The following MSN variants were observed in gnomAD, a reference collection of about 807,000 sequenced individuals.
MSN encodes the protein moesin, also known as epididymis luminal protein 70.
A neutral mutation model predicts 48.0 loss-of-function variants in MSN; 2 were observed. The observed-to-expected ratio is 0.04, with a 90% CI of 0.02 to 0.13. MSN has a LOEUF of 0.13. MSN is among the 10% of genes least tolerant of loss of function. The pLI, the probability that MSN is intolerant of heterozygous loss-of-function variation, is 1.00. For missense variants in MSN, 267 were observed against 470.1 expected, an observed-to-expected ratio of 0.57 and a Z score of 3.99; for synonymous variants, 146 against 166.9, an observed-to-expected ratio of 0.87 and a Z score of 0.97.
At chrX:65,651,137 G>T (rs2070738557) in intron 1 of MSN, among the ~76,000 whole-genome samples, 1 of 110,127 alleles carries the variant, frequency 9.1e-6, no homozygotes. Flanking sequence ...TTGAAAATTA[G>T]AGGCCGGGTG....
intron 4 of MSN, among the ~76,000 whole-genome samples, chrX:65,730,378 T>G (rs1003138962): frequency 1.8e-5 from 2 of 111,481 alleles, no homozygotes; most frequent in Admixed American, 1.9e-4. Context: ...TAACACTAAG[T>G]TTTTTCCTAC....
intron 1 of MSN, among the ~76,000 whole-genome samples, chrX:65,686,526 G>T (rs1408374385): frequency 8.8e-6 from 1 of 112,999 alleles, no homozygotes; most frequent in African/African-American, 3.2e-5. Flanking sequence ...TTGAGATCAG[G>T]TTCCAAAAGG....
chrX:65,609,962 T>C (rs1186613722), intron 1 of MSN, among the ~76,000 whole-genome samples: 1 of 111,867 alleles, frequency 8.9e-6, no homozygotes, highest in Non-Finnish European at 1.9e-5. Context: ...TCTTCACTAC[T>C]ATTTTCCCGG....
At chrX:65,739,582 G>C (rs780900397) in intron 12 of MSN, 147 bp from the exon 13 acceptor site, 23 of 654,538 alleles carry the variant, frequency 3.5e-5, no homozygotes, top group Non-Finnish European at 4.6e-5. Context: ...AGTTCTAACA[G>C]AGTTGGAAAT....
intron 1 of MSN, among the ~76,000 whole-genome samples, chrX:65,674,034 T>C (rs1270276056): frequency 1.8e-5 from 2 of 110,303 alleles, no homozygotes; most frequent in Non-Finnish European, 3.8e-5. Context: ...AGAGCTGATC[T>C]CATGGGTTTC....
At chrX:65,711,568 G>T (rs942217600) in intron 1 of MSN, among the ~76,000 whole-genome samples, 1 of 112,444 alleles carries the variant, frequency 8.9e-6, no homozygotes, top group East Asian at 2.8e-4. Flanking sequence ...CTCAATACAC[G>T]TTTGAAATTA....
intron 1 of MSN, among the ~76,000 whole-genome samples, chrX:65,618,015 T>C (rs916951578): frequency 9.9e-4 from 108 of 109,447 alleles, no homozygotes; most frequent in African/African-American, 3.4e-3. Context: ...AGTTGAGCGG[T>C]ATTGAGTGAG....
chrX:65,703,264 G>T (rs974039503), intron 1 of MSN, among the ~76,000 whole-genome samples: 1 of 110,941 alleles, frequency 9.0e-6, no homozygotes, highest in African/African-American at 3.3e-5. Flanking sequence ...TTTTATTACT[G>T]TTCAATTATT....
intron 1 of MSN, among the ~76,000 whole-genome samples, chrX:65,705,221 C>T (rs1304460578): frequency 9.0e-6 from 1 of 111,524 alleles, no homozygotes; most frequent in African/African-American, 3.3e-5. Flanking sequence ...TCAGGTCTGA[C>T]AGTTTGGGAT....
At chrX:65,725,690 C>A (rs1477222424) in intron 2 of MSN, among the ~76,000 whole-genome samples, 1 of 112,058 alleles carries the variant, frequency 8.9e-6, no homozygotes, top group Non-Finnish European at 1.9e-5. Flanking sequence ...TCTGGCAGTT[C>A]CAGCTGCCTA....
chrX:65,663,985 G>T (rs1056508989), upstream of MSN, among the ~76,000 whole-genome samples: 1 of 107,582 alleles, frequency 9.3e-6, no homozygotes, highest in Non-Finnish European at 1.9e-5. Flanking sequence ...GCATGAACCC[G>T]GGAGGCGGAG....
intron 1 of MSN, among the ~76,000 whole-genome samples, chrX:65,671,955 C>G: frequency 8.9e-6 from 1 of 112,206 alleles, no homozygotes; most frequent in Non-Finnish European, 1.9e-5. Context: ...CTTACCTCCT[C>G]CTCCCATGAA....
intron 1 of MSN, among the ~76,000 whole-genome samples, chrX:65,688,624 T>C (rs962798922): frequency 8.9e-5 from 10 of 112,133 alleles, no homozygotes; most frequent in African/African-American, 3.2e-4. Flanking sequence ...GTTTCAGCTT[T>C]AAACATTTGG....
intron 8 of MSN, 49 bp downstream of exon 8, chrX:65,735,479 T>G (rs2071666767): frequency 8.7e-7 from 1 of 1,151,619 alleles, no homozygotes; most frequent in Non-Finnish European, 1.2e-6. Flanking sequence ...GCAAGGAAGC[T>G]TCTCAAAGGT....
At position 65,647,850 on chromosome X, in the gene MSN, T is replaced by C. The variant is rs944208721; in HGVS notation, c.-22+59238T>C. On this transcript the variant is annotated intron_variant, in intron 1 of 3. Transcript: ENST00000609672. The stretch of plus-strand genomic sequence containing the variant: ...TTTTAAAGGCCATGACAACGATTCT[T>C]TTCATCATAAAAGCACAGGGGAGAA... Among the ~76,000 whole-genome samples the C allele has an allele frequency of 2.0e-4, 22 of 112,064 alleles. 1 individual carries two copies. Among genetic ancestry groups the C allele is most frequent in the Non-Finnish European group, 2.4e-4 (13 of 53,204 alleles).
chrX:65,618,662 A>G (rs1188277223), intron 1 of MSN, among the ~76,000 whole-genome samples: 1 of 110,669 alleles, frequency 9.0e-6, no homozygotes, highest in Admixed American at 9.7e-5. Context: ...TCTTTATCCA[A>G]TTTGCCAGTC....
chrX:65,662,862 A>C (rs1307675633), upstream of MSN, among the ~76,000 whole-genome samples: 1 of 112,567 alleles, frequency 8.9e-6, no homozygotes, highest in South Asian at 3.6e-4. Context: ...CTACAGAATG[A>C]GGAAGACATT....
intron 1 of MSN, among the ~76,000 whole-genome samples, chrX:65,680,508 G>C (rs938801703): frequency 9.0e-6 from 1 of 111,656 alleles, no homozygotes; most frequent in Non-Finnish European, 1.9e-5. Context: ...CCCAGCATTT[G>C]CTAGTATAGA....
chrX:65,662,241 T>G (rs1361167441), intron 1 of MSN, among the ~76,000 whole-genome samples: 1 of 112,405 alleles, frequency 8.9e-6, no homozygotes, highest in Non-Finnish European at 1.9e-5. Context: ...GTTATTCCCA[T>G]CAAACTACCA....
Sources: allele counts gnomAD v4.1 joint callset (sites outside exome capture counted in the v4.1 genomes callset), GRCh38; gene constraint gnomAD v4.1.1; transcripts MANE v1.5; gene names NCBI Gene and HGNC (gene_info 2026-07-23, HGNC 2026-07-21).